EP300: variants seen among roughly 807,000 people sequenced by gnomAD.
EP300 encodes EP300 lysine acetyltransferase, also known as histone acetyltransferase p300.
A neutral mutation model predicts 264.0 loss-of-function variants in EP300; 31 were observed. The observed-to-expected ratio is 0.12, with a 90% CI of 0.09 to 0.16. The LOEUF (loss-of-function observed/expected upper bound fraction) is 0.16. Ranked by LOEUF, EP300 falls within the 10% of genes least tolerant of loss-of-function variation. The pLI is 1.00. For missense variants in EP300, 2,766 were observed against 3,052.9 expected (o/e 0.91, Z 2.21); for synonymous variants, 1,340 against 1,045.4 (o/e 1.28, Z -5.44).
At chr22:41,120,412 T>C (rs1681287736) in intron 2 of EP300, among the ~76,000 whole-genome samples, 1 of 152,206 alleles carries the variant, frequency 6.6e-6, no homozygotes, top group African/African-American at 2.4e-5. Context: ...GTAGAGCGAA[T>C]TATACTCATT....
At chr22:41,128,588 A>G (rs1569096561) in intron 4 of EP300, among the ~76,000 whole-genome samples, 1 of 151,928 alleles carries the variant, frequency 6.6e-6, no homozygotes, top group African/African-American at 2.4e-5. Flanking sequence ...GCTCACTGCA[A>G]ACTCCACCTT....
intron 29 of EP300, among the ~76,000 whole-genome samples, chr22:41,175,383 T>C (rs2059194625): frequency 6.6e-6 from 1 of 152,258 alleles, no homozygotes; most frequent in Non-Finnish European, 1.5e-5. Flanking sequence ...TTTATTACTT[T>C]AATAGGTGTT....
Position 41,157,259 on chromosome 22 carries a change from G to A in EP300, c.3352G>A (p.Val1118Ile), listed in dbSNP as rs368486518. ...ACAGTATCAGGAGCCCTGGCAGTAT[G>A]TCGATGATATTTGGCTTATGTTCAA... ...TGQYQEPWQY[V>I]DDIWLMFNNA... Residue 1118 changes from valine to isoleucine, a missense_variant, in exon 18 of 31, where the codon GTC (valine) becomes ATC (isoleucine). Val to Ile is a conservative substitution (Grantham distance 29). Transcript: ENST00000263253. The A allele has an allele frequency of 4.0e-5, 64 of 1,614,028 alleles. No homozygotes were observed. Among genetic ancestry groups the A allele is most frequent in the African/African-American group, 8.0e-5 (6 of 74,922 alleles).
chr22:41,119,238 T>A (rs1043049531), intron 2 of EP300, among the ~76,000 whole-genome samples: 1 of 145,020 alleles, frequency 6.9e-6, no homozygotes, highest in Non-Finnish European at 1.5e-5. Context: ...CAGGCTAATC[T>A]CAAACTCCTC....
At chr22:41,125,337 C>G (rs1204279163) in intron 2 of EP300, among the ~76,000 whole-genome samples, 1 of 151,862 alleles carries the variant, frequency 6.6e-6, no homozygotes, top group Non-Finnish European at 1.5e-5. Context: ...CCAGGATAGT[C>G]TCTATCTCCT....
chr22:41,148,978 G>C (rs766486719), intron 12 of EP300, 60 bp from the exon 13 acceptor site: 145 of 1,603,120 alleles, frequency 9.0e-5, no homozygotes, highest in Non-Finnish European at 1.1e-4. Flanking sequence ...GATGATTTTA[G>C]TTATAGTAGA....
At chr22:41,140,440 G>T (rs761296177) in intron 9 of EP300, among the ~76,000 whole-genome samples, 183 bp downstream of exon 9, 2 of 152,092 alleles carry the variant, frequency 1.3e-5, no homozygotes, top group African/African-American at 2.4e-5. Context: ...ATGTCATCAA[G>T]AATCTTATGT....
At chr22:41,133,968 A>G (rs2058934921) in intron 6 of EP300, among the ~76,000 whole-genome samples, 1 of 152,208 alleles carries the variant, frequency 6.6e-6, no homozygotes, top group South Asian at 2.1e-4. Flanking sequence ...TTTAAGATCT[A>G]AAATGCTAGA....
intron 10 of EP300, among the ~76,000 whole-genome samples, chr22:41,143,337 A>C (rs2145728659): frequency 6.6e-6 from 1 of 152,304 alleles, no homozygotes; most frequent in East Asian, 1.9e-4. Context: ...CTGTAGTCCC[A>C]GCTACTCAGG....
intron 19 of EP300, 181 bp from the exon 20 acceptor site, chr22:41,160,461 C>T (rs574237925): frequency 2.4e-5 from 11 of 452,390 alleles, no homozygotes; most frequent in Non-Finnish European, 4.0e-5. Flanking sequence ...AACAAAAAAA[C>T]CAAAACCCAA....
At chr22:41,119,175 A>ATTATTATTTT (rs1301631658) in intron 2 of EP300, among the ~76,000 whole-genome samples, 1 of 112,996 alleles carries the variant, frequency 8.8e-6, no homozygotes, top group African/African-American at 4.0e-5. Flanking sequence ...GCTTATTATT[A>ATTATTATTTT]TTTTTTTTTT....
chr22:41,110,282 A>ATTTTTTTTTTTTT (rs71200660), intron 1 of EP300, among the ~76,000 whole-genome samples: 3 of 48,222 alleles, frequency 6.2e-5, no homozygotes, highest in African/African-American at 2.5e-4. Context: ...TATCCAGCTA[A>ATTTTTTTTTTTTT]TTTTTTTTTT....
chr22:41,109,917 A>G (rs1359397349), intron 1 of EP300, among the ~76,000 whole-genome samples: 1 of 151,488 alleles, frequency 6.6e-6, no homozygotes, highest in African/African-American at 2.4e-5. Context: ...GGGCTCAAGC[A>G]ATTCTCCTGC....
Position 41,125,902 on chromosome 22 carries a change from A to T in EP300, c.768A>T (p.Pro256=), listed in dbSNP as rs368954293. The T allele has an allele frequency of 8.7e-6, 14 of 1,614,210 alleles. No homozygotes were observed. The South Asian group carries it at 1.1e-4, about 13-fold the overall frequency. Reference sequence around the variant, plus strand: ...ACAACCCCAATCCTTATGGTTCACCATATACTCAGAATCCTGGACAGCAGA... The same window carrying T: ...ACAACCCCAATCCTTATGGTTCACCTTATACTCAGAATCCTGGACAGCAGA... The part of the protein sequence containing the change: ...MMNNPNPYGS[P]YTQNPGQQIG... Residue 256 remains proline (P), a synonymous_variant, in exon 3 of 31, where the codon CCA becomes CCT. Coordinates refer to ENST00000263253, the MANE Select transcript of EP300 (RefSeq NM_001429.4).
intron 1 of EP300, among the ~76,000 whole-genome samples, chr22:41,095,526 C>T (rs1216207786): frequency 1.3e-5 from 2 of 151,880 alleles, no homozygotes; most frequent in Non-Finnish European, 2.9e-5. Context: ...GCCGCCCGGC[C>T]AGAGGTACCA....
chr22:41,137,698 G>A lies in EP300; in HGVS notation c.1668G>A (p.Met556Ile). ...CCAGTGTGCCCTCCCTGGGTCCTATGCCAACAGCAGCTCAACCATCCACTA... is the reference window on the plus strand; with the variant it reads ...CCAGTGTGCCCTCCCTGGGTCCTATACCAACAGCAGCTCAACCATCCACTA... Reference protein sequence around the residue: ...ENASVPSLGPMPTAAQPSTTG... With the variant: ...ENASVPSLGPIPTAAQPSTTG... The change falls in exon 8 of 31, where the codon ATG becomes ATA. Residue 556 changes from methionine (M) to isoleucine (I), a missense_variant. Coordinates refer to ENST00000263253, the MANE Select transcript of EP300 (RefSeq NM_001429.4). 1 of 1,614,120 alleles carries A rather than the reference G, an allele frequency of 6.2e-7. No homozygotes were observed. The highest frequency in any genetic ancestry group is 1.1e-5 in the South Asian group (1 of 91,078).
chr22:41,154,376 CT>C (rs869304891), intron 16 of EP300, among the ~76,000 whole-genome samples: 4,695 of 61,534 alleles, frequency 0.076, 67 homozygotes, highest in Non-Finnish European at 0.098. Context: ...CTTGTGCACT[CT>C]TTTTTTTTTT....
chr22:41,178,831 T>C lies in EP300; in HGVS notation c.7120T>C (p.Ser2374Pro). The change falls in exon 31 of 31, where the codon TCT becomes CCT. Residue 2374 changes from serine (S) to proline (P), a missense_variant. Transcript: ENST00000263253. ...FASPDQNSML[S>P]QLASNPGMAN... ...CAGCCCGGACCAGAATTCAATGCTT[T>C]CTCAGCTTGCTAGCAATCCAGGCAT... The C allele has an allele frequency of 6.2e-7, 1 of 1,614,170 alleles. No homozygotes were observed. The highest frequency in any genetic ancestry group is 8.5e-7 in the Non-Finnish European group (1 of 1,180,038).
intron 4 of EP300, among the ~76,000 whole-genome samples, chr22:41,129,641 CTT>C (rs1264537320): frequency 6.6e-6 from 1 of 152,158 alleles, no homozygotes; most frequent in East Asian, 1.9e-4. Context: ...AATGAGGGCT[CTT>C]AAGCCAGACT....
Sources: gnomAD v4.1 joint callset for allele counts (sites outside exome capture counted in the v4.1 genomes callset) on GRCh38, gnomAD v4.1.1 for gene constraint, MANE v1.5 for transcripts, NCBI Gene and HGNC (gene_info 2026-07-23, HGNC 2026-07-21) for gene names.